Variants in DNAH1 observed in about 807,000 individuals in gnomAD.
DNAH1 encodes the protein axonemal beta dynein heavy chain 1.
A neutral mutation model predicts 484.3 loss-of-function variants in DNAH1; 327 were observed. The observed-to-expected ratio is 0.68, with a 90% CI of 0.62 to 0.74. DNAH1 has a LOEUF of 0.74. DNAH1 is among the 30% of genes least tolerant of loss of function. The pLI is 0.00. For missense variants in DNAH1, 5,052 were observed against 5,546.8 expected, an observed-to-expected ratio of 0.91 and a Z score of 2.83; for synonymous variants, 2,192 against 2,191.9, an observed-to-expected ratio of 1.00 and a Z score of 0.00.
At position 52,370,242 on chromosome 3, in the gene DNAH1, G is replaced by A; in HGVS notation, c.6258+13G>A. 1 of 1,612,740 alleles carries A rather than the reference G, an allele frequency of 6.2e-7. No homozygotes were observed. The highest frequency in any genetic ancestry group is 1.3e-5 in the African/African-American group (1 of 75,048). ...TCTGCCTAGAGAGGTACAGCCCTGA[G>A]AGTGGGGCTAGATGCACCTGGTCCC... On this transcript the variant is annotated intron_variant, in intron 39 of 77. Transcript: ENST00000420323.
chr3:52,364,740 C>A lies in DNAH1; in HGVS notation c.5331+16C>A. ...CATGAATGAGGTGAGCTCCACCCAGCAGGGCTCCAGGAGTGGAACTCTGGG... is the reference window on the plus strand; with the variant it reads ...CATGAATGAGGTGAGCTCCACCCAGAAGGGCTCCAGGAGTGGAACTCTGGG... On this transcript the variant is annotated intron_variant, in intron 33 of 77. Coordinates refer to ENST00000420323, the MANE Select transcript of DNAH1 (RefSeq NM_015512.5). This position sits in a 1 kb window ranked among gnomAD's most constrained non-coding sequence, Gnocchi z 4.2. 1 of 1,610,414 alleles carries A rather than the reference C, an allele frequency of 6.2e-7. No individual in the cohort carries two copies. The highest frequency in any genetic ancestry group is 1.7e-5 in the Admixed American group (1 of 59,846).
In DNAH1 at chr3:52,357,623, G is replaced by T; in HGVS notation, c.3868G>T (p.Val1290Leu). 1.2e-6 allele frequency: 2 copies of T among 1,600,480 alleles called. No individual in the cohort carries two copies. Among genetic ancestry groups the T allele is most frequent in the Non-Finnish European group, 1.7e-6 (2 of 1,173,056 alleles). ...NAYENREVIN[V>L]CSDLRMLDSL... ...GGCCCGGGCCCTGCAGGTGATCAAT[G>T]TGTGTTCCGACCTGAGAATGCTGGA... Residue 1290 changes from valine (V) to leucine (L), a missense_variant, in exon 23 of 78, where the codon GTG becomes TTG. Val to Leu is a conservative substitution (Grantham distance 32). Around this residue, in one of 4 missense-constraint regions of DNAH1, gnomAD observed 2,929 missense variants for 3,409.4 expected, o/e 0.86. Transcript: ENST00000420323.
Position 52,370,754 on chromosome 3 carries a change from G to A in DNAH1, c.6454G>A (p.Asp2152Asn), listed in dbSNP as rs375219203. 13 of 1,607,894 alleles carry A rather than the reference G, an allele frequency of 8.1e-6. 1 individual carries two copies. Among genetic ancestry groups the A allele is most frequent in the Admixed American group, 3.4e-5 (2 of 59,088 alleles). The change falls in exon 41 of 78, where the codon GAT (aspartate) becomes AAT (asparagine). Residue 2152 changes from aspartate (D) to asparagine (N), a missense_variant. Around this residue, in one of 4 missense-constraint regions of DNAH1, gnomAD observed 2,929 missense variants for 3,409.4 expected, o/e 0.86. Transcript: ENST00000420323. The part of the protein sequence containing the change: ...LLFPEEGLVF[D>N]YRLEDAGISG... Reference sequence around the variant, plus strand: ...TTTCCCAGAAGAGGGGCTGGTGTTCGATTACAGGCTGGAGGACGCGGGCAT... The same window carrying A: ...TTTCCCAGAAGAGGGGCTGGTGTTCAATTACAGGCTGGAGGACGCGGGCAT...
chr3:52,394,376 T>G, intron 66 of DNAH1, 89 bp from the exon 67 acceptor site: 1 of 1,249,450 alleles, frequency 8.0e-7, no homozygotes, highest in Non-Finnish European at 1.1e-6. Context: ...CAGGTGAGGG[T>G]GGTTAGAGAG....
intron 1 of DNAH1, 106 bp from the exon 2 acceptor site, chr3:52,322,303 G>GAA: frequency 1.4e-6 from 1 of 707,670 alleles, no homozygotes. Flanking sequence ...GTTACCCATG[G>GAA]GTCATGGGCT....
chr3:52,389,014 A>G (rs930309199), intron 59 of DNAH1, 77 bp downstream of exon 59: 306 of 1,464,866 alleles, frequency 2.1e-4, no homozygotes, highest in Non-Finnish European at 2.6e-4. Context: ...CCTCGCCTCC[A>G]TGATAGGCAG....
Position 52,352,770 on chromosome 3 carries a change from T to C in DNAH1, c.3027+63T>C, listed in dbSNP as rs143023966. 3.9e-5 allele frequency: 60 copies of C among 1,550,152 alleles called. No homozygotes were observed. The East Asian group carries it at 1.2e-3, about 32-fold the overall frequency. On this transcript the variant is annotated intron_variant, in intron 18 of 77. Transcript: ENST00000420323. ...GGCTTGAGGAAGCAGCTCATGTAGA[T>C]GCAGCTGCCAGGAGGCAGGGCTCTG...
chr3:52,359,840 G>A, intron 26 of DNAH1, 76 bp from the exon 27 acceptor site: 1 of 1,578,242 alleles, frequency 6.3e-7, no homozygotes. Context: ...TGTGGCAGAA[G>A]CCCACCCTCT....
intron 6 of DNAH1, among the ~76,000 whole-genome samples, chr3:52,329,299 G>A (rs1317212589): frequency 6.6e-6 from 1 of 152,118 alleles, no homozygotes; most frequent in Non-Finnish European, 1.5e-5. Flanking sequence ...TTTTCTGCTG[G>A]GAGCTTCCAG....
At chr3:52,370,661 C>G (rs1164079964) in intron 40 of DNAH1, 26 bp downstream of exon 40, 1 of 1,602,486 alleles carries the variant, frequency 6.2e-7, no homozygotes. Flanking sequence ...CCCCAGGGAC[C>G]AGGAGCCTCA....
chr3:52,331,614 CTTTTCTTTTTTTT>C, intron 7 of DNAH1, among the ~76,000 whole-genome samples: 1 of 137,036 alleles, frequency 7.3e-6, no homozygotes, highest in African/African-American at 2.8e-5. Context: ...TGTCTAAATA[CTTTTCTTTTTTTT>C]TTTTTTTTTT....
At position 52,345,487 on chromosome 3, in the gene DNAH1, C is replaced by A. The variant is rs1484421820; in HGVS notation, c.1445-8C>A. 6.4e-7 allele frequency: 1 copy of A among 1,557,234 alleles called. No homozygotes were observed. The highest frequency in any genetic ancestry group is 1.9e-5 in the Admixed American group (1 of 51,570). On this transcript the variant is annotated splice_polypyrimidine_tract_variant and splice_region_variant and intron_variant, in intron 9 of 77. Transcript: ENST00000420323. ...TCTGATACTGGCCCTTGGCCCCTAT[C>A]CCTGCAGGGCTGGTGAGTGTCCCCA...
rs902566759 is a variant in DNAH1 at position 52,346,623 on chromosome 3, T to C, written c.1808T>C (p.Val603Ala). ...MSKLRKLMELVKYMLQDTLRF... is the reference protein window; with the variant it reads ...MSKLRKLMELAKYMLQDTLRF... ...AAGCTGCGCAAGCTGATGGAGCTGGTGAAGTACATGCTGCAGGACACACTG... is the reference window on the plus strand; with the variant it reads ...AAGCTGCGCAAGCTGATGGAGCTGGCGAAGTACATGCTGCAGGACACACTG... The change falls in exon 11 of 78, where the codon GTG becomes GCG. Residue 603 changes from valine to alanine, a missense_variant. Coordinates refer to ENST00000420323, the MANE Select transcript of DNAH1 (RefSeq NM_015512.5). 3 of 1,613,918 alleles carry C rather than the reference T, an allele frequency of 1.9e-6. No homozygotes were observed. Among genetic ancestry groups the C allele is most frequent in the Non-Finnish European group, 2.5e-6 (3 of 1,179,892 alleles).
In DNAH1 at chr3:52,386,251, C is replaced by G. The variant is rs765166282; in HGVS notation, c.8717C>G (p.Ala2906Gly). The change falls in exon 55 of 78, where the codon GCT becomes GGT. Residue 2906 changes from alanine to glycine, a missense_variant. By Grantham distance (60) the Ala-to-Gly change is moderately conservative. This residue lies in a region of DNAH1 where 2,929 missense variants were observed against 3,409.4 expected (regional missense o/e 0.86). Transcript: ENST00000420323. ...NEKAKKAQAI[A>G]DDAQKDLDEA... The stretch of plus-strand genomic sequence containing the variant: ...AAGGCCAAGAAGGCACAAGCTATTG[C>G]TGACGATGCCCAGAAGGACCTGGAC... 6.8e-6 allele frequency: 11 copies of G among 1,613,024 alleles called. No homozygotes were observed. The highest frequency in any genetic ancestry group is 5.0e-5 in the Admixed American group (3 of 59,936).
At chr3:52,349,744 G>A (rs751821105) in intron 14 of DNAH1, among the ~76,000 whole-genome samples, 2 of 152,256 alleles carry the variant, frequency 1.3e-5, no homozygotes, top group South Asian at 2.1e-4. Context: ...GAAGCCCTGC[G>A]TGTGTTGGTA....
intron 8 of DNAH1, among the ~76,000 whole-genome samples, chr3:52,337,687 T>C (rs1217248937): frequency 6.6e-6 from 1 of 152,214 alleles, no homozygotes; most frequent in East Asian, 1.9e-4. Context: ...CCTTTTGGCA[T>C]TTAGGAAGGT....
chr3:52,357,959 GC>G lies in DNAH1; in HGVS notation c.4044del (p.Val1349CysfsTer57), dbSNP rs760322995. 6.2e-7 allele frequency: 1 copy of G among 1,613,082 alleles called. No individual in the cohort carries two copies. Among genetic ancestry groups the G allele is most frequent in the Non-Finnish European group, 8.5e-7 (1 of 1,179,740 alleles). On this transcript the variant is annotated frameshift_variant, in exon 24 of 78. Coordinates refer to ENST00000420323, the MANE Select transcript of DNAH1 (RefSeq NM_015512.5). LOFTEE classifies it high-confidence loss of function. ...CTTGTCGCAGACAAAGGACCCCACGGCCGTGCAGCCACACCTGCGCAAGTGC... is the reference window on the plus strand; with the variant it reads ...CTTGTCGCAGACAAAGGACCCCACGGCGTGCAGCCACACCTGCGCAAGTGC... ...EILSQTKDPTAVQPHLRKCFE... is the reference protein window; with the variant it reads ...EILSQTKDPTXVQPHLRKCFE...
At position 52,391,491 on chromosome 3, in the gene DNAH1, A is replaced by G; in HGVS notation, c.9940A>G (p.Ile3314Val). ...NTVLKLGDTV[I>V]PYHEDFRMYI... ...GGTGCTGAAGCTGGGGGACACGGTG[A>G]TCCCCTACCATGAGGACTTCAGGAT... Residue 3314 changes from isoleucine (I) to valine (V), a missense_variant, in exon 63 of 78, where the codon ATC becomes GTC. This residue lies in a region of DNAH1 where 2,929 missense variants were observed against 3,409.4 expected (regional missense o/e 0.86). Transcript: ENST00000420323. 1 of 1,613,438 alleles carries G rather than the reference A, an allele frequency of 6.2e-7. No individual in the cohort carries two copies.
chr3:52,337,742 C>T, intron 8 of DNAH1, among the ~76,000 whole-genome samples: 1 of 152,112 alleles, frequency 6.6e-6, no homozygotes, highest in East Asian at 1.9e-4. Context: ...TCCATTATCC[C>T]CTGCTTTCCT....
Sources: allele counts gnomAD v4.1 joint callset (sites outside exome capture counted in the v4.1 genomes callset), GRCh38; gene constraint gnomAD v4.1.1; regional missense constraint gnomAD v4.1.1; non-coding constraint Gnocchi (gnomAD v3.1); transcripts MANE v1.5; gene names NCBI Gene and HGNC (gene_info 2026-07-23, HGNC 2026-07-21).